INSC: variants seen among roughly 807,000 people sequenced by gnomAD.
INSC encodes protein inscuteable homolog.
A neutral mutation model predicts 58.6 loss-of-function variants in INSC; 67 were observed. The ratio of observed to expected loss-of-function variants is 1.14; its 90% CI spans 0.94 to 1.40. The LOEUF (loss-of-function observed/expected upper bound fraction) is 1.40, where lower values mean the gene tolerates loss of function less well. Ranked by LOEUF, INSC falls within the 40% of genes most tolerant of loss-of-function variation. The pLI, the probability that INSC is intolerant of heterozygous loss-of-function variation, is 0.00. For missense variants in INSC, 714 were observed against 692.0 expected, an observed-to-expected ratio of 1.03 and a Z score of -0.36; for synonymous variants, 262 against 276.1, an observed-to-expected ratio of 0.95 and a Z score of 0.51.
chr11:15,191,463 G>A (rs1342658952), intron 6 of INSC, among the ~76,000 whole-genome samples: 1 of 152,178 alleles, frequency 6.6e-6, no homozygotes, highest in Admixed American at 6.5e-5. Context: ...GAGGTCCATG[G>A]GATGTGGTGA....
chr11:15,134,450 T>C (rs1367877603), intron 1 of INSC, among the ~76,000 whole-genome samples: 1 of 152,202 alleles, frequency 6.6e-6, no homozygotes, highest in Non-Finnish European at 1.5e-5. Context: ...AACAGAATCT[T>C]AGTCTCAGAA....
chr11:15,182,941 G>A (rs1183575330), intron 5 of INSC, among the ~76,000 whole-genome samples: 1 of 152,126 alleles, frequency 6.6e-6, no homozygotes, highest in Non-Finnish European at 1.5e-5. Flanking sequence ...CTTGGTATGG[G>A]AGTGGAGAAT....
At chr11:15,150,108 G>GT (rs1848604644) in intron 2 of INSC, among the ~76,000 whole-genome samples, 2 of 152,124 alleles carry the variant, frequency 1.3e-5, no homozygotes, top group African/African-American at 4.8e-5. Flanking sequence ...AGAGAGGGTG[G>GT]TATTTCCTTT....
chr11:15,178,497 G>A (rs754588247), intron 5 of INSC, 50 bp downstream of exon 5: 3 of 1,581,296 alleles, frequency 1.9e-6, no homozygotes, highest in Admixed American at 1.7e-5. Flanking sequence ...GACCCTTGGA[G>A]GAAAGGAGAG....
downstream of INSC, among the ~76,000 whole-genome samples, chr11:15,251,471 A>G (rs1469799627): frequency 6.6e-6 from 1 of 152,208 alleles, no homozygotes; most frequent in Non-Finnish European, 1.5e-5. Context: ...TGAAAAGGCA[A>G]CTCATGGAAT....
chr11:15,240,359 T>G, intron 11 of INSC, 88 bp from the exon 12 acceptor site: 10 of 1,101,688 alleles, frequency 9.1e-6, no homozygotes, highest in South Asian at 1.3e-5. Context: ...CTCTGGCAGA[T>G]TGGGTGTGCA....
chr11:15,202,985 G>A (rs538218042), intron 7 of INSC, among the ~76,000 whole-genome samples: 1 of 152,336 alleles, frequency 6.6e-6, no homozygotes, highest in South Asian at 2.1e-4. Context: ...TAGTCTGGGG[G>A]TTTATTTTGT....
intron 9 of INSC, among the ~76,000 whole-genome samples, chr11:15,228,400 TG>T (rs1273614161): frequency 2.6e-5 from 4 of 152,202 alleles, no homozygotes; most frequent in African/African-American, 9.7e-5. Context: ...TCTCTGCACC[TG>T]GAGTCGGTAC....
chr11:15,233,145 T>C (rs1335485824), intron 9 of INSC, among the ~76,000 whole-genome samples: 1 of 152,236 alleles, frequency 6.6e-6, no homozygotes, highest in East Asian at 1.9e-4. Flanking sequence ...TATCACATTA[T>C]ACTGACCTCT....
chr11:15,263,376 G>A, the INSC span, among the ~76,000 whole-genome samples: 1 of 152,016 alleles, frequency 6.6e-6, no homozygotes, highest in Non-Finnish European at 1.5e-5. Flanking sequence ...GTGATGATTT[G>A]ATGATTTCTC....
chr11:15,250,533 G>A (rs1852639577), downstream of INSC, among the ~76,000 whole-genome samples: 1 of 152,066 alleles, frequency 6.6e-6, no homozygotes. Context: ...CTCCATTATT[G>A]CTCACGCATC....
intron 7 of INSC, among the ~76,000 whole-genome samples, chr11:15,203,196 C>T (rs1407444142): frequency 3.9e-5 from 6 of 152,188 alleles, no homozygotes; most frequent in African/African-American, 1.2e-4. Context: ...CCCTGTGTCA[C>T]GACCTTGCTG....
In INSC at chr11:15,225,815, A is replaced by C. The variant is rs1346325469; in HGVS notation, c.1157A>C (p.Tyr386Ser). Residue 386 changes from tyrosine to serine, a missense_variant, in exon 9 of 13, where the codon TAC becomes TCC. Transcript: ENST00000379556. ...CSDKQRVDTP[Y>S]TRDQIVTILA... ...GACAAGCAGAGAGTGGACACGCCTT[A>C]CACTCGGGACCAGGTAAGACGCCCA... is the stretch of plus-strand genomic sequence containing the variant. 2 of 1,612,840 alleles carry C rather than the reference A, an allele frequency of 1.2e-6. No homozygotes were observed. Among genetic ancestry groups the C allele is most frequent in the Non-Finnish European group, 1.7e-6 (2 of 1,179,434 alleles).
At chr11:15,252,159 G>A (rs1427735973), downstream of INSC, among the ~76,000 whole-genome samples, 1 of 152,166 alleles carries the variant, frequency 6.6e-6, no homozygotes, top group African/African-American at 2.4e-5. Context: ...CCAAATATAC[G>A]AGATGTACAG....
intron 2 of INSC, among the ~76,000 whole-genome samples, chr11:15,157,094 A>T (rs1848841151): frequency 6.6e-6 from 1 of 152,192 alleles, no homozygotes; most frequent in African/African-American, 2.4e-5. Context: ...AATGCAATGA[A>T]AAGGGCTACT....
chr11:15,257,338 G>T, the INSC span, among the ~76,000 whole-genome samples: 1 of 152,148 alleles, frequency 6.6e-6, no homozygotes, highest in African/African-American at 2.4e-5. Context: ...AATTTGAAAA[G>T]TTTGTCATCT....
intron 1 of INSC, among the ~76,000 whole-genome samples, chr11:15,146,598 A>G (rs1233276658): frequency 1.3e-5 from 2 of 152,146 alleles, no homozygotes; most frequent in Non-Finnish European, 2.9e-5. Flanking sequence ...AAATCAAGAT[A>G]TATTAGGCTT....
chr11:15,256,571 C>A, the INSC span, among the ~76,000 whole-genome samples: 1 of 151,326 alleles, frequency 6.6e-6, no homozygotes, highest in Non-Finnish European at 1.5e-5. Context: ...CTCACCGCAA[C>A]CTCCGCCTTC....
intron 7 of INSC, among the ~76,000 whole-genome samples, chr11:15,201,246 G>A (rs922393643): frequency 2.6e-5 from 4 of 151,748 alleles, no homozygotes; most frequent in Admixed American, 1.3e-4. Context: ...TAGGAGGCAG[G>A]CAAGTCAGGT....
Sources: allele counts gnomAD v4.1 joint callset (sites outside exome capture counted in the v4.1 genomes callset), GRCh38; gene constraint gnomAD v4.1.1; transcripts MANE v1.5; gene names NCBI Gene and HGNC (gene_info 2026-07-23, HGNC 2026-07-21).